The following WWOX variants were observed in gnomAD, a reference collection of about 807,000 sequenced individuals.
The protein encoded by WWOX is WW domain-containing oxidoreductase.
In WWOX, 69 loss-of-function variants were observed where a neutral mutation model predicts 46.2. The observed-to-expected ratio is 1.49, with a 90% CI of 1.23 to 1.82. The LOEUF (loss-of-function observed/expected upper bound fraction) is 1.82. WWOX is among the 40% of genes most tolerant of loss of function. The pLI is 0.00. For missense variants in WWOX, 919 were observed against 542.6 expected (o/e 1.69, Z -6.89); for synonymous variants, 359 against 202.6 (o/e 1.77, Z -6.56).
intron 5 of WWOX, among the ~76,000 whole-genome samples, chr16:78,181,986 T>TA (rs879347320): frequency 5.2e-4 from 79 of 152,286 alleles, no homozygotes; most frequent in African/African-American, 1.7e-3. Flanking sequence ...AGGCTCCACT[T>TA]ACGAAGGACT....
intron 8 of WWOX, among the ~76,000 whole-genome samples, chr16:78,631,193 A>G (rs779772813): frequency 5.9e-5 from 9 of 152,146 alleles, no homozygotes; most frequent in Non-Finnish European, 1.2e-4. Context: ...TCCCCTTTGG[A>G]TACTGAGGGA....
intron 8 of WWOX, among the ~76,000 whole-genome samples, chr16:78,597,041 C>T (rs77752107): frequency 0.1 from 15,851 of 152,228 alleles, 1,037 homozygotes; most frequent in East Asian, 0.21. Context: ...CATTGCTGCT[C>T]CCCTACCCTC....
intron 8 of WWOX, among the ~76,000 whole-genome samples, chr16:78,435,041 G>C (rs567394886): frequency 6.6e-6 from 1 of 152,138 alleles, no homozygotes; most frequent in Non-Finnish European, 1.5e-5. Context: ...TGGACCTAAC[G>C]GGAGTATCTC....
intron 6 of WWOX, among the ~76,000 whole-genome samples, chr16:78,421,795 A>G (rs1205933679): frequency 6.6e-6 from 1 of 152,218 alleles, no homozygotes; most frequent in Non-Finnish European, 1.5e-5. Flanking sequence ...AACATTATCA[A>G]TGATAAAATA....
At position 79,206,158 on chromosome 16, in the gene WWOX, G is replaced by A. The variant is rs931901454; in HGVS notation, c.1057-5450G>A. ...AAAAATCTCCTTTTAACATTTCTCGGGTGAACACACGACAGCCCCCACATT... is the reference window on the plus strand; with the variant it reads ...AAAAATCTCCTTTTAACATTTCTCGAGTGAACACACGACAGCCCCCACATT... On this transcript the variant is annotated intron_variant, in intron 8 of 8. Transcript: ENST00000566780. The A allele has an allele frequency of 3.3e-5, 5 of 152,094 alleles. No homozygotes were observed. The East Asian group carries it at 5.8e-4, about 18-fold the overall frequency. The allele number at this position is 152,094 out of a possible 1,614,324, so 9.4% of individuals were successfully genotyped here.
chr16:79,020,910 G>C (rs1273286064), intron 8 of WWOX, among the ~76,000 whole-genome samples: 2 of 152,080 alleles, frequency 1.3e-5, no homozygotes, highest in Non-Finnish European at 2.9e-5. Flanking sequence ...TTAAGTGAGG[G>C]AGTATGTTAA....
chr16:79,005,187 G>T (rs895597643), intron 8 of WWOX, among the ~76,000 whole-genome samples: 3 of 152,056 alleles, frequency 2.0e-5, no homozygotes, highest in African/African-American at 4.8e-5. Flanking sequence ...CAGGCCTGAT[G>T]TTTGCCTGTG....
intron 5 of WWOX, among the ~76,000 whole-genome samples, chr16:78,377,072 A>G (rs1443247060): frequency 3.9e-5 from 6 of 152,196 alleles, no homozygotes; most frequent in Non-Finnish European, 7.3e-5. Context: ...TTCTTTTATC[A>G]CTGACTTCCC....
chr16:78,720,031 A>G (rs2048654089), intron 8 of WWOX, among the ~76,000 whole-genome samples: 1 of 152,176 alleles, frequency 6.6e-6, no homozygotes, highest in Admixed American at 6.6e-5. Flanking sequence ...GTTACTGTAC[A>G]TTTTATGAAA....
intron 8 of WWOX, among the ~76,000 whole-genome samples, chr16:78,812,697 G>T (rs545159129): frequency 6.6e-5 from 10 of 152,082 alleles, no homozygotes; most frequent in Non-Finnish European, 1.5e-4. Context: ...CTGCACTGCA[G>T]CCTGGGTGAC....
intron 8 of WWOX, among the ~76,000 whole-genome samples, chr16:78,923,192 G>C (rs754280851): frequency 1.3e-5 from 2 of 151,892 alleles, no homozygotes; most frequent in Non-Finnish European, 2.9e-5. Flanking sequence ...TGTTGGTCAG[G>C]CTGGTCTCAA....
intron 1 of WWOX, among the ~76,000 whole-genome samples, chr16:78,108,172 C>A (rs989129113): frequency 6.6e-5 from 10 of 151,060 alleles, no homozygotes; most frequent in Non-Finnish European, 1.2e-4. Flanking sequence ...GTGATCTGCT[C>A]CCCTAGGGCT....
At chr16:79,190,612 C>T (rs1392649768) in intron 8 of WWOX, among the ~76,000 whole-genome samples, 1 of 152,186 alleles carries the variant, frequency 6.6e-6, no homozygotes, top group Admixed American at 6.5e-5. Context: ...AGGGAGGGAA[C>T]TCATTCAGAA....
chr16:78,264,710 A>G (rs551079647), intron 5 of WWOX: 1 of 152,342 alleles, frequency 6.6e-6, no homozygotes, highest in East Asian at 1.9e-4. Context: ...ATGTTTGTTG[A>G]TAACCCCTAC....
chr16:79,114,670 A>G (rs1348874645), intron 8 of WWOX, among the ~76,000 whole-genome samples: 1 of 152,130 alleles, frequency 6.6e-6, no homozygotes, highest in African/African-American at 2.4e-5. Flanking sequence ...TATTGTTTCA[A>G]GCCACCTAGT....
chr16:79,084,202 T>C (rs1187396861), intron 8 of WWOX, among the ~76,000 whole-genome samples: 2 of 152,134 alleles, frequency 1.3e-5, no homozygotes, highest in Non-Finnish European at 2.9e-5. Context: ...TGAAGAAAGA[T>C]GTGCATATTT....
chr16:78,611,868 G>T (rs533688338), intron 8 of WWOX, among the ~76,000 whole-genome samples: 1 of 152,318 alleles, frequency 6.6e-6, no homozygotes, highest in East Asian at 1.9e-4. Context: ...TGGAAGGGGC[G>T]TGGCATTGCT....
intron 8 of WWOX, among the ~76,000 whole-genome samples, chr16:78,553,653 G>A (rs896923960): frequency 6.6e-6 from 1 of 152,150 alleles, no homozygotes; most frequent in Non-Finnish European, 1.5e-5. Flanking sequence ...AGGGATGCCT[G>A]TGGCCAATAT....
rs540790156 is a variant in WWOX at position 78,174,240 on chromosome 16, G to A, written c.516+9951G>A. Among the ~76,000 whole-genome samples, 92 of 152,302 alleles carry A rather than the reference G, an allele frequency of 6.0e-4. 1 individual carries two copies. The highest frequency in any genetic ancestry group is 3.0e-3 in the Admixed American group (46 of 15,302). On this transcript the variant is annotated intron_variant, in intron 5 of 8. Coordinates refer to ENST00000566780, the MANE Select transcript of WWOX (RefSeq NM_016373.4). ...AGGCTTCAGAATCATGGTAGGAGGC[G>A]AAAGGCACTTCTTATATGGTGTCAG...
Sources: gnomAD v4.1 joint callset for allele counts (sites outside exome capture counted in the v4.1 genomes callset) on GRCh38, gnomAD v4.1.1 for gene constraint, MANE v1.5 for transcripts, NCBI Gene and HGNC (gene_info 2026-07-23, HGNC 2026-07-21) for gene names.